The following FSTL5 variants were observed in gnomAD, a reference collection of about 807,000 sequenced individuals.
FSTL5 encodes follistatin like 5.
In FSTL5, 62 loss-of-function variants were observed where a neutral mutation model predicts 89.1. That is an observed-to-expected ratio of 0.70 (90% CI 0.57 to 0.86). FSTL5 has a LOEUF of 0.86. FSTL5 is among the 40% of genes least tolerant of loss of function. The pLI is 0.00. For missense variants in FSTL5, 1,057 were observed against 1,001.6 expected (o/e 1.06, Z -0.75); for synonymous variants, 383 against 346.2 (o/e 1.11, Z -1.18).
intron 2 of FSTL5, among the ~76,000 whole-genome samples, chr4:162,039,716 T>C (rs1737875585): frequency 2.0e-5 from 3 of 152,010 alleles, no homozygotes; most frequent in Admixed American, 2.0e-4. Context: ...AACTCAAATG[T>C]GTAGAAGACT....
intron 6 of FSTL5, among the ~76,000 whole-genome samples, chr4:161,679,183 TAAA>T (rs1377481540): frequency 6.6e-6 from 1 of 151,518 alleles, no homozygotes; most frequent in African/African-American, 2.4e-5. Context: ...GGATAAAACT[TAAA>T]GAAGAAGAAA....
chr4:161,427,782 C>T (rs1462230382), intron 15 of FSTL5, among the ~76,000 whole-genome samples: 2 of 152,160 alleles, frequency 1.3e-5, no homozygotes, highest in South Asian at 2.1e-4. Context: ...TACACAGAAA[C>T]AACAAATTAT....
In FSTL5 at chr4:161,783,715, CTTTCTTTCTTCT is replaced by C. The variant is rs1560843752; in HGVS notation, c.410-7653_410-7642del. Among the ~76,000 whole-genome samples the C allele has an allele frequency of 3.8e-4, 10 of 26,288 alleles. 1 individual carries two copies. The highest frequency in any genetic ancestry group is 6.8e-4 in the Non-Finnish European group (9 of 13,200). The allele number at this position is 26,288 out of a possible 152,430, so 17.2% of individuals were successfully genotyped here. ...TCTTTCTTTCTTTCTTTCTTTCTTTCTTTCTTTCTTCTTTTCTTTTCTTTCTTTCTTTCTTTC... is the reference window on the plus strand; with the variant it reads ...TCTTTCTTTCTTTCTTTCTTTCTTTCTTTCTTTTCTTTCTTTCTTTCTTTC... On this transcript the variant is annotated intron_variant, in intron 4 of 15. Transcript: ENST00000306100.
chr4:161,989,358 C>A (rs529726435), intron 3 of FSTL5, among the ~76,000 whole-genome samples: 1 of 152,140 alleles, frequency 6.6e-6, no homozygotes, highest in South Asian at 2.1e-4. Flanking sequence ...AAACATAACA[C>A]CCAATTTAGA....
chr4:162,117,515 G>C (rs1353003995), intron 1 of FSTL5, among the ~76,000 whole-genome samples: 2 of 152,168 alleles, frequency 1.3e-5, no homozygotes, highest in Non-Finnish European at 2.9e-5. Flanking sequence ...ATCTAGGTGC[G>C]AGACAGGAGA....
chr4:161,663,358 G>C (rs1736781426), intron 6 of FSTL5, among the ~76,000 whole-genome samples: 1 of 152,152 alleles, frequency 6.6e-6, no homozygotes, highest in East Asian at 1.9e-4. Flanking sequence ...TTACTTTCTA[G>C]ATACAATGTG....
At chr4:162,110,739 C>T (rs1358715291) in intron 2 of FSTL5, among the ~76,000 whole-genome samples, 1 of 151,334 alleles carries the variant, frequency 6.6e-6, no homozygotes, top group Non-Finnish European at 1.5e-5. Flanking sequence ...TTATTTTATA[C>T]TTCAAAACAT....
At position 161,925,806 on chromosome 4, in the gene FSTL5, T is replaced by C. The variant is rs1355503040; in HGVS notation, c.161-5154A>G. ...ACAGCTCTTGTTATTATTATAAGCA[T>C]TGGAAATGCATTTAGGGGAGTGTGG... On this transcript the variant is annotated intron_variant, in intron 3 of 15. Coordinates refer to ENST00000306100, the MANE Select transcript of FSTL5 (RefSeq NM_020116.5). Among the ~76,000 whole-genome samples the C allele has an allele frequency of 2.0e-5, 3 of 151,844 alleles. No homozygotes were observed. The Admixed American group carries it at 2.0e-4, about 10-fold the overall frequency.
At chr4:161,406,487 G>T (rs1162120659) in intron 15 of FSTL5, among the ~76,000 whole-genome samples, 1 of 152,062 alleles carries the variant, frequency 6.6e-6, no homozygotes, top group Non-Finnish European at 1.5e-5. Flanking sequence ...TTTATATTCT[G>T]CTGTTTGGGG....
intron 12 of FSTL5, among the ~76,000 whole-genome samples, chr4:161,490,827 C>T (rs911125869): frequency 2.0e-5 from 3 of 152,036 alleles, no homozygotes; most frequent in Admixed American, 1.3e-4. Context: ...CATTTGATTT[C>T]TTACAGTTAT....
At chr4:162,154,379 A>C (rs1733385613) in intron 1 of FSTL5, among the ~76,000 whole-genome samples, 1 of 152,210 alleles carries the variant, frequency 6.6e-6, no homozygotes, top group Non-Finnish European at 1.5e-5. Context: ...TATGAACATG[A>C]CATTTTTTCA....
At chr4:161,700,474 CT>C (rs1426490318) in intron 6 of FSTL5, among the ~76,000 whole-genome samples, 1 of 151,318 alleles carries the variant, frequency 6.6e-6, no homozygotes, top group Non-Finnish European at 1.5e-5. Context: ...TTTCTTTTTT[CT>C]TTTTTTAATT....
At chr4:161,926,538 T>C (rs542707782) in intron 3 of FSTL5, among the ~76,000 whole-genome samples, 1 of 151,768 alleles carries the variant, frequency 6.6e-6, no homozygotes, top group South Asian at 2.1e-4. Context: ...CTAGGAGATA[T>C]AATTTTTGAT....
intron 2 of FSTL5, among the ~76,000 whole-genome samples, chr4:162,042,968 G>T (rs374722599): frequency 3.7e-5 from 4 of 109,514 alleles, no homozygotes; most frequent in African/African-American, 1.4e-4. Flanking sequence ...AGGGGGGAGG[G>T]ATAGCATTGG....
intron 4 of FSTL5, among the ~76,000 whole-genome samples, chr4:161,918,320 A>G (rs1259016957): frequency 6.6e-6 from 1 of 152,178 alleles, no homozygotes; most frequent in Admixed American, 6.5e-5. Context: ...AGTTAAGTAC[A>G]TAAGCAAACA....
chr4:161,783,560 C>T (rs901242717), intron 4 of FSTL5, among the ~76,000 whole-genome samples: 1 of 150,454 alleles, frequency 6.6e-6, no homozygotes, highest in Non-Finnish European at 1.5e-5. Flanking sequence ...TGCTTTCTTT[C>T]TTTTCTTTTC....
At position 161,979,879 on chromosome 4, in the gene FSTL5, T is replaced by C. The variant is rs542552583; in HGVS notation, c.160+53746A>G. Among the ~76,000 whole-genome samples, 120 of 152,258 alleles carry C rather than the reference T, an allele frequency of 7.9e-4. 1 individual carries two copies. Among genetic ancestry groups the C allele is most frequent in the African/African-American group, 2.4e-3 (98 of 41,558 alleles). On this transcript the variant is annotated intron_variant, in intron 3 of 15. Coordinates refer to ENST00000306100, the MANE Select transcript of FSTL5 (RefSeq NM_020116.5). ...TTCAATTCCATAATGAGTGACTGTT[T>C]CTTGGTCTTATTGGGGGACAGACTG...
At chr4:161,444,980 C>A (rs768932333) in intron 15 of FSTL5, among the ~76,000 whole-genome samples, 16 of 151,842 alleles carry the variant, frequency 1.1e-4, no homozygotes, top group Non-Finnish European at 1.9e-4. Context: ...CAGTATCTGG[C>A]ATAGAGTAAG....
At chr4:161,716,108 C>T (rs202170182) in intron 6 of FSTL5, among the ~76,000 whole-genome samples, 13 of 152,256 alleles carry the variant, frequency 8.5e-5, no homozygotes, top group East Asian at 5.8e-4. Flanking sequence ...CCTTGGTACA[C>T]GGGTCTCCAT....
Sources: gnomAD v4.1 joint callset for allele counts (sites outside exome capture counted in the v4.1 genomes callset) on GRCh38, gnomAD v4.1.1 for gene constraint, MANE v1.5 for transcripts, NCBI Gene and HGNC (gene_info 2026-07-23, HGNC 2026-07-21) for gene names.